SPON1: variants seen among roughly 807,000 people sequenced by gnomAD.
SPON1 encodes spondin-1.
Under a neutral mutation model 111.7 loss-of-function variants are expected in SPON1, and 52 were observed. The ratio of observed to expected loss-of-function variants is 0.47; its 90% CI spans 0.37 to 0.59. The LOEUF is 0.59. Ranked by LOEUF, SPON1 falls within the 20% of genes least tolerant of loss-of-function variation. SPON1 has a pLI of 0.00. For synonymous variants in SPON1, 410 were observed against 395.8 expected (o/e 1.04, Z -0.43); for missense variants, 957 against 1,068.5 (o/e 0.90, Z 1.46).
In SPON1 at chr11:13,963,068, G is replaced by A; in HGVS notation, c.164G>A (p.Arg55His). The change falls in exon 1 of 16, where the codon CGC becomes CAC. Residue 55 changes from arginine (R) to histidine (H), a missense_variant. This residue lies in a region of SPON1 where 262 missense variants were observed against 253.9 expected (regional missense o/e 1.03). Coordinates refer to ENST00000576479, the MANE Select transcript of SPON1 (RefSeq NM_006108.4). ...ATCCTGCGCGCCCAGGGCACGCGGC[G>A]CGAGGGCTACACCGAGTTCAGCCTC... ...SRILRAQGTR[R>H]EGYTEFSLRV... The A allele has an allele frequency of 6.4e-7, 1 of 1,574,616 alleles. No homozygotes were observed. Among genetic ancestry groups the A allele is most frequent in the Non-Finnish European group, 8.6e-7 (1 of 1,162,218 alleles).
At chr11:14,122,483 A>G (rs1241854552) in intron 5 of SPON1, among the ~76,000 whole-genome samples, 1 of 152,096 alleles carries the variant, frequency 6.6e-6, no homozygotes, top group Non-Finnish European at 1.5e-5. Context: ...TGTCTCTTCA[A>G]ATATTTTTCT....
At chr11:14,261,543 C>CAAAGT (rs1849182614) in intron 14 of SPON1, among the ~76,000 whole-genome samples, 1 of 152,172 alleles carries the variant, frequency 6.6e-6, no homozygotes, top group Non-Finnish European at 1.5e-5. Context: ...GTAATTGGTC[C>CAAAGT]AAAGTATGAG....
intron 2 of SPON1, among the ~76,000 whole-genome samples, chr11:14,032,873 T>C (rs1263496494): frequency 6.6e-6 from 1 of 152,094 alleles, no homozygotes; most frequent in Non-Finnish European, 1.5e-5. Flanking sequence ...CAGTGCATAT[T>C]TAGATGTCCC....
intron 3 of SPON1, among the ~76,000 whole-genome samples, chr11:14,049,174 T>C (rs782079478): frequency 6.6e-6 from 1 of 152,204 alleles, no homozygotes; most frequent in African/African-American, 2.4e-5. Flanking sequence ...TCTGTGATCT[T>C]CATACTGTAC....
At chr11:14,170,091 G>A (rs1848079516) in intron 6 of SPON1, among the ~76,000 whole-genome samples, 2 of 152,240 alleles carry the variant, frequency 1.3e-5, no homozygotes, top group East Asian at 3.9e-4. Context: ...TGGGCAGTAT[G>A]GCCATTTTCA....
At chr11:14,256,176 G>A (rs1218941596) in intron 9 of SPON1, among the ~76,000 whole-genome samples, 6 of 152,248 alleles carry the variant, frequency 3.9e-5, no homozygotes, top group Non-Finnish European at 8.8e-5. Flanking sequence ...GAACCCTGGA[G>A]GTGGAGGTTA....
intron 3 of SPON1, among the ~76,000 whole-genome samples, chr11:14,047,328 C>T (rs535686647): frequency 2.0e-5 from 3 of 152,058 alleles, no homozygotes; most frequent in African/African-American, 7.2e-5. Context: ...TGAGGAAGAC[C>T]CTTTAGCTAA....
chr11:14,033,847 G>T (rs535431813), intron 2 of SPON1, among the ~76,000 whole-genome samples: 1 of 152,296 alleles, frequency 6.6e-6, no homozygotes, highest in Non-Finnish European at 1.5e-5. Context: ...CTGGCTGGAT[G>T]GGAACCAGTC....
At chr11:14,075,622 C>T (rs979897955) in intron 4 of SPON1, among the ~76,000 whole-genome samples, 1 of 152,094 alleles carries the variant, frequency 6.6e-6, no homozygotes, top group Non-Finnish European at 1.5e-5. Context: ...CAGCTTGATT[C>T]CCTGGGTAGA....
chr11:13,971,937 C>G (rs1848066153), intron 1 of SPON1, among the ~76,000 whole-genome samples: 1 of 152,208 alleles, frequency 6.6e-6, no homozygotes, highest in Non-Finnish European at 1.5e-5. Context: ...TTCTCTGCCA[C>G]CAAAGTCTGC....
At chr11:14,171,867 T>C (rs186656022) in intron 6 of SPON1, among the ~76,000 whole-genome samples, 1,568 of 152,360 alleles carry the variant, frequency 0.01, 23 homozygotes, top group African/African-American at 0.036. Flanking sequence ...CAGTTTGTTA[T>C]AATTTCTGTT....
chr11:13,987,054 T>C (rs1383271642), intron 2 of SPON1, among the ~76,000 whole-genome samples: 3 of 152,260 alleles, frequency 2.0e-5, no homozygotes, highest in African/African-American at 7.2e-5. Flanking sequence ...AGTATAATGA[T>C]TTATAATCCT....
chr11:14,209,947 A>T (rs1252959240), intron 6 of SPON1, among the ~76,000 whole-genome samples: 17 of 152,192 alleles, frequency 1.1e-4, no homozygotes, highest in Admixed American at 9.8e-4. Context: ...TTTAATGATC[A>T]CCATTCTAAC....
intron 3 of SPON1, among the ~76,000 whole-genome samples, chr11:14,051,849 G>A (rs997250048): frequency 3.9e-5 from 6 of 152,154 alleles, no homozygotes; most frequent in African/African-American, 1.4e-4. Context: ...TGCATTGCAT[G>A]TCTTATATAT....
intron 6 of SPON1, among the ~76,000 whole-genome samples, chr11:14,143,418 C>G (rs1847680106): frequency 6.6e-6 from 1 of 152,072 alleles, no homozygotes; most frequent in African/African-American, 2.4e-5. Flanking sequence ...CAAAAATTAG[C>G]CAGGCATGGA....
intron 2 of SPON1, among the ~76,000 whole-genome samples, chr11:14,034,718 A>G (rs2697858): frequency 1 from 152,058 of 152,334 alleles, 75,892 homozygotes; most frequent in Non-Finnish European, 1. Flanking sequence ...GCTTCAGACA[A>G]CCCTGGGTCT....
chr11:14,240,564 T>G (rs2133917042), intron 6 of SPON1, among the ~76,000 whole-genome samples: 1 of 151,060 alleles, frequency 6.6e-6, no homozygotes, highest in Non-Finnish European at 1.5e-5. Context: ...ACATTTGATC[T>G]TGGCCAAAAG....
At chr11:14,037,468 T>C (rs1024361092) in intron 2 of SPON1, among the ~76,000 whole-genome samples, 120 of 149,398 alleles carry the variant, frequency 8.0e-4, no homozygotes, top group African/African-American at 2.9e-3. Flanking sequence ...AAAGGTAATA[T>C]AATAGAGCAA....
intron 5 of SPON1, among the ~76,000 whole-genome samples, chr11:14,085,220 A>G (rs1258883357): frequency 2.0e-5 from 3 of 152,160 alleles, no homozygotes; most frequent in Non-Finnish European, 4.4e-5. Context: ...GTCTTTGCCC[A>G]TGCTTATGTC....
Sources: gnomAD v4.1 joint callset for allele counts (sites outside exome capture counted in the v4.1 genomes callset) on GRCh38, gnomAD v4.1.1 for gene constraint, gnomAD v4.1.1 regional missense constraint, MANE v1.5 for transcripts, NCBI Gene and HGNC (gene_info 2026-07-23, HGNC 2026-07-21) for gene names.